AOPEP: variants seen among roughly 807,000 people sequenced by gnomAD.
The protein encoded by AOPEP is aminopeptidase O.
In AOPEP, 77 loss-of-function variants were observed where a neutral mutation model predicts 98.1. The observed-to-expected ratio is 0.78, with a 90% CI of 0.65 to 0.95. AOPEP has a LOEUF of 0.95. Among genes scored for constraint, AOPEP ranks in the 40% least tolerant of loss-of-function variants. The pLI is 0.00. For missense variants in AOPEP, 1,024 were observed against 1,024.7 expected (o/e 1.00, Z 0.01); for synonymous variants, 346 against 365.3 (o/e 0.95, Z 0.60).
At chr9:95,035,402 C>G (rs2064712391) in intron 13 of AOPEP, among the ~76,000 whole-genome samples, 1 of 150,998 alleles carries the variant, frequency 6.6e-6, no homozygotes, top group Non-Finnish European at 1.5e-5. Context: ...CTTGAAAAAT[C>G]TAAGTAAAGG....
intron 11 of AOPEP, chr9:95,004,390 C>T (rs1316981988): frequency 4.8e-6 from 2 of 417,506 alleles, no homozygotes; most frequent in African/African-American, 4.1e-5. Context: ...GGCTGCGGGT[C>T]CACACTCGCG....
chr9:95,133,137 T>C, the AOPEP span, among the ~76,000 whole-genome samples: 8 of 152,336 alleles, frequency 5.3e-5, 1 homozygote, highest in Admixed American at 3.9e-4. Flanking sequence ...ATGATGCAAT[T>C]AGGAAGCAGG....
chr9:95,016,306 G>A, intron 13 of AOPEP, among the ~76,000 whole-genome samples: 1 of 145,668 alleles, frequency 6.9e-6, no homozygotes, highest in Non-Finnish European at 1.5e-5. Flanking sequence ...GCAGTGGCGC[G>A]ATCTTGGCCC....
the AOPEP span, among the ~76,000 whole-genome samples, chr9:95,120,840 A>G: frequency 2.0e-5 from 3 of 152,148 alleles, no homozygotes; most frequent in African/African-American, 7.2e-5. Context: ...GTTTAGGTCT[A>G]TCTTTTGACA....
chr9:94,793,905 G>A (rs970310643), intron 4 of AOPEP, among the ~76,000 whole-genome samples: 1 of 152,156 alleles, frequency 6.6e-6, no homozygotes, highest in Non-Finnish European at 1.5e-5. Context: ...CAAAAACATA[G>A]CTTCTGATGG....
intron 7 of AOPEP, among the ~76,000 whole-genome samples, chr9:94,936,043 A>G (rs948779320): frequency 2.6e-5 from 4 of 151,284 alleles, no homozygotes; most frequent in African/African-American, 9.7e-5. Context: ...CCTCAATTCA[A>G]CTCCTCTTCT....
chr9:94,829,295 A>G (rs1781042307), intron 5 of AOPEP, among the ~76,000 whole-genome samples: 1 of 152,164 alleles, frequency 6.6e-6, no homozygotes, highest in Non-Finnish European at 1.5e-5. Flanking sequence ...TTCCTCTTAG[A>G]TGATTATCAA....
At chr9:94,786,139 A>G (rs1043456213) in intron 3 of AOPEP, among the ~76,000 whole-genome samples, 2 of 152,232 alleles carry the variant, frequency 1.3e-5, no homozygotes, top group Admixed American at 6.5e-5. Context: ...GACTACAACA[A>G]CAACAGATGA....
intron 11 of AOPEP, among the ~76,000 whole-genome samples, chr9:94,992,754 G>A (rs1354384058): frequency 1.3e-5 from 2 of 152,194 alleles, no homozygotes; most frequent in African/African-American, 4.8e-5. Flanking sequence ...GGCTGCGTCC[G>A]GTGCCGTGCT....
chr9:95,147,325 C>A, the AOPEP span, among the ~76,000 whole-genome samples: 4 of 152,262 alleles, frequency 2.6e-5, no homozygotes, highest in African/African-American at 9.6e-5. Context: ...CGAGACCAGC[C>A]TGACCAACAT....
At chr9:94,905,127 G>A (rs2050943900) in intron 5 of AOPEP, among the ~76,000 whole-genome samples, 1 of 152,182 alleles carries the variant, frequency 6.6e-6, no homozygotes, top group Non-Finnish European at 1.5e-5. Flanking sequence ...ATATCGTATT[G>A]ATGGACACAC....
intron 13 of AOPEP, among the ~76,000 whole-genome samples, chr9:95,053,494 T>C (rs2066562144): frequency 6.6e-6 from 1 of 152,234 alleles, no homozygotes; most frequent in Non-Finnish European, 1.5e-5. Context: ...TTGATTCATA[T>C]ACTCAACCAA....
intron 5 of AOPEP, among the ~76,000 whole-genome samples, chr9:94,839,366 G>A (rs1360134904): frequency 6.6e-6 from 1 of 152,188 alleles, no homozygotes; most frequent in East Asian, 1.9e-4. Flanking sequence ...TGGGATTATA[G>A]GCGTGAGCCA....
chr9:94,738,772 C>T (rs1832377277), intron 1 of AOPEP, among the ~76,000 whole-genome samples: 1 of 151,936 alleles, frequency 6.6e-6, no homozygotes, highest in Admixed American at 6.6e-5. Flanking sequence ...GACGGGGTTT[C>T]ACCGTGTTAG....
chr9:94,990,585 C>T (rs1280238018), intron 11 of AOPEP, among the ~76,000 whole-genome samples: 5 of 151,626 alleles, frequency 3.3e-5, no homozygotes, highest in African/African-American at 1.2e-4. Flanking sequence ...CTCTGGTAGA[C>T]TCTTCGTCAA....
intron 5 of AOPEP, among the ~76,000 whole-genome samples, chr9:94,912,041 G>A (rs1172678247): frequency 1.3e-5 from 2 of 152,128 alleles, no homozygotes; most frequent in Non-Finnish European, 2.9e-5. Flanking sequence ...ATAGATTTCA[G>A]CCCAGTGAGA....
At chr9:95,029,213 C>T (rs889517000) in intron 13 of AOPEP, among the ~76,000 whole-genome samples, 5 of 152,204 alleles carry the variant, frequency 3.3e-5, no homozygotes, top group South Asian at 2.1e-4. Flanking sequence ...GAAGACCAGC[C>T]ACACATTTCT....
chr9:95,129,681 T>G, the AOPEP span, among the ~76,000 whole-genome samples: 2 of 152,242 alleles, frequency 1.3e-5, no homozygotes, highest in African/African-American at 4.8e-5. Context: ...CTTCTCCATC[T>G]GGCCTAACAA....
At chr9:94,903,892 TAA>T (rs10658054) in intron 5 of AOPEP, among the ~76,000 whole-genome samples, 1 of 96,594 alleles carries the variant, frequency 1.0e-5, no homozygotes, top group Non-Finnish European at 1.9e-5. Flanking sequence ...AGACTCTGTC[TAA>T]AAAAAAAAAA....
Sources: allele counts gnomAD v4.1 joint callset (sites outside exome capture counted in the v4.1 genomes callset), GRCh38; gene constraint gnomAD v4.1.1; transcripts MANE v1.5; gene names NCBI Gene and HGNC (gene_info 2026-07-23, HGNC 2026-07-21).